The following RYR2 variants were observed in gnomAD, a reference collection of about 807,000 sequenced individuals.
The protein encoded by RYR2 is ryanodine receptor 2.
Under a neutral mutation model 601.1 loss-of-function variants are expected in RYR2, and 227 were observed. The ratio of observed to expected loss-of-function variants is 0.38; its 90% confidence interval spans 0.34 to 0.42. RYR2 has a LOEUF of 0.42. Ranked by LOEUF, RYR2 falls within the 10% of genes least tolerant of loss-of-function variation. The probability of loss-of-function intolerance (pLI) is 1.00; values close to 1 mark genes in which losing one functional copy is unlikely to be tolerated. For missense variants in RYR2, 4,646 were observed against 6,156.5 expected (o/e 0.75, Z 8.21); for synonymous variants, 2,223 against 2,175.1 (o/e 1.02, Z -0.61).
intron 19 of RYR2, among the ~76,000 whole-genome samples, chr1:237,494,005 G>A: frequency 6.6e-6 from 1 of 152,126 alleles, no homozygotes; most frequent in East Asian, 1.9e-4. Flanking sequence ...GGAACTGGAA[G>A]TGGAACTTAG....
At chr1:237,361,815 A>G (rs889348526) in intron 4 of RYR2, among the ~76,000 whole-genome samples, 8 of 152,218 alleles carry the variant, frequency 5.3e-5, no homozygotes, top group African/African-American at 1.9e-4. Context: ...TGCACCAAGA[A>G]CAGATTAAAT....
At chr1:237,669,496 G>A (rs989070471) in intron 58 of RYR2, among the ~76,000 whole-genome samples, 2 of 138,804 alleles carry the variant, frequency 1.4e-5, no homozygotes, top group Admixed American at 7.4e-5. Flanking sequence ...GCGGCTGGCC[G>A]GGCGGGGGGC....
intron 1 of RYR2, among the ~76,000 whole-genome samples, chr1:237,084,436 C>T (rs573999666): frequency 3.9e-5 from 6 of 152,214 alleles, no homozygotes; most frequent in South Asian, 2.1e-4. Flanking sequence ...GTAAGAAAGC[C>T]GAACATGTAT....
intron 17 of RYR2, among the ~76,000 whole-genome samples, chr1:237,474,855 C>T (rs772047893): frequency 2.6e-5 from 4 of 152,146 alleles, no homozygotes; most frequent in Non-Finnish European, 5.9e-5. Flanking sequence ...TGGTCGATGG[C>T]ATGGAACTCA....
At chr1:237,251,563 AC>A (rs1687468204) in intron 1 of RYR2, among the ~76,000 whole-genome samples, 1 of 151,652 alleles carries the variant, frequency 6.6e-6, no homozygotes, top group South Asian at 2.1e-4. Flanking sequence ...CCTCTTTCCA[AC>A]CTCATAATGT....
chr1:237,779,116 T>A (rs1171512928), intron 88 of RYR2, among the ~76,000 whole-genome samples: 1 of 152,156 alleles, frequency 6.6e-6, no homozygotes, highest in Non-Finnish European at 1.5e-5. Flanking sequence ...TCCTTCCCCT[T>A]ACAGATAATT....
At chr1:237,709,136 G>A (rs749042715) in intron 69 of RYR2, 38 bp downstream of exon 69, 2 of 1,511,836 alleles carry the variant, frequency 1.3e-6, no homozygotes, top group South Asian at 1.4e-5. Context: ...CTCCAATTCG[G>A]TCATAACGTT....
At chr1:237,046,393 G>A (rs1660609444) in intron 1 of RYR2, among the ~76,000 whole-genome samples, 1 of 152,202 alleles carries the variant, frequency 6.6e-6, no homozygotes, top group South Asian at 2.1e-4. Context: ...AGAATACCAA[G>A]TCAGTTTTCT....
chr1:237,132,753 T>C (rs1271989074), intron 1 of RYR2, among the ~76,000 whole-genome samples: 1 of 152,080 alleles, frequency 6.6e-6, no homozygotes, highest in African/African-American at 2.4e-5. Flanking sequence ...AGGCAACAAA[T>C]CACATATCCA....
intron 1 of RYR2, among the ~76,000 whole-genome samples, chr1:237,058,654 C>T (rs1413389991): frequency 6.6e-6 from 1 of 152,166 alleles, no homozygotes; most frequent in African/African-American, 2.4e-5. Context: ...TGGTGGCTCA[C>T]ACCTGTAATC....
At chr1:237,698,678 A>G (rs2149024702) in intron 63 of RYR2, among the ~76,000 whole-genome samples, 1 of 138,588 alleles carries the variant, frequency 7.2e-6, no homozygotes, top group East Asian at 2.0e-4. Context: ...GGGAGAGGGG[A>G]TTATTGAAAA....
rs763668006 is a variant in RYR2 at position 237,783,769 on chromosome 1, G to A, written c.12057G>A (p.Met4019Ile). ...AGATGATTCTCAAATTTTTTGACAT[G>A]TTCTTAAAACTAAAGGATTTGACGT... ...NVEMILKFFD[M>I]FLKLKDLTSS... The change falls in exon 90 of 105, where the codon ATG becomes ATA. Residue 4019 changes from methionine to isoleucine, a missense_variant. Around this residue, in one of 17 missense-constraint regions of RYR2, gnomAD observed 90 missense variants for 213.3 expected, o/e 0.42. Coordinates refer to ENST00000366574, the MANE Select transcript of RYR2 (RefSeq NM_001035.3). The A allele has an allele frequency of 1.2e-6, 2 of 1,612,798 alleles. No individual in the cohort carries two copies. Among genetic ancestry groups the A allele is most frequent in the East Asian group, 4.5e-5 (2 of 44,816 alleles).
intron 1 of RYR2, among the ~76,000 whole-genome samples, chr1:237,213,185 TA>T (rs1682781711): frequency 6.6e-6 from 1 of 152,120 alleles, no homozygotes; most frequent in African/African-American, 2.4e-5. Flanking sequence ...GGTTTTTAAA[TA>T]TTTTTTTTTG....
chr1:237,433,077 T>C (rs1217406196), intron 12 of RYR2, among the ~76,000 whole-genome samples: 1 of 152,002 alleles, frequency 6.6e-6, no homozygotes, highest in Admixed American at 6.6e-5. Context: ...AGTGTGTGAT[T>C]CTTGTGTAAT....
At chr1:237,737,523 G>A (rs1232553961) in intron 79 of RYR2, among the ~76,000 whole-genome samples, 2 of 152,172 alleles carry the variant, frequency 1.3e-5, no homozygotes, top group African/African-American at 4.8e-5. Flanking sequence ...TTTCAGCCAG[G>A]TCATGTCAGC....
chr1:237,053,260 C>T (rs773033367), intron 1 of RYR2, among the ~76,000 whole-genome samples: 21 of 152,230 alleles, frequency 1.4e-4, no homozygotes, highest in African/African-American at 4.3e-4. Flanking sequence ...TCAGCTTACA[C>T]GTCCTGGCTT....
chr1:237,062,302 C>T (rs1485503236), intron 1 of RYR2, among the ~76,000 whole-genome samples: 1 of 152,130 alleles, frequency 6.6e-6, no homozygotes, highest in Non-Finnish European at 1.5e-5. Context: ...GAAATAGCAT[C>T]AAATCTGTAG....
intron 33 of RYR2, among the ~76,000 whole-genome samples, chr1:237,594,451 T>C (rs1675574411): frequency 6.6e-6 from 1 of 152,188 alleles, no homozygotes; most frequent in Non-Finnish European, 1.5e-5. Context: ...CAAAAATCTC[T>C]AATGAAGAGC....
Position 237,177,443 on chromosome 1 carries a change from C to T in RYR2, c.49-93054C>T, listed in dbSNP as rs896297859. On this transcript the variant is annotated intron_variant, in intron 1 of 104. Transcript: ENST00000366574. ...ATTCCTACTTCCCAACTGATAATTC[C>T]TATCCTGAATTCTAAGCTTATTCTC... Among the ~76,000 whole-genome samples the T allele has an allele frequency of 3.3e-5, 5 of 152,250 alleles. No individual in the cohort carries two copies. In the South Asian group the frequency reaches 8.3e-4, roughly 25 times the overall value.
Sources: gnomAD v4.1 joint callset for allele counts (sites outside exome capture counted in the v4.1 genomes callset) on GRCh38, gnomAD v4.1.1 for gene constraint, gnomAD v4.1.1 regional missense constraint, MANE v1.5 for transcripts, NCBI Gene and HGNC (gene_info 2026-07-23, HGNC 2026-07-21) for gene names.